Variants in SAP130 observed in about 807,000 individuals in gnomAD.
SAP130 encodes Sin3A associated protein 130.
A neutral mutation model predicts 103.2 loss-of-function variants in SAP130; 16 were observed. The ratio of observed to expected loss-of-function variants is 0.16; its 90% CI spans 0.10 to 0.24. The LOEUF is 0.24. Ranked by LOEUF, SAP130 falls within the 10% of genes least tolerant of loss-of-function variation. The pLI is 1.00. For synonymous variants in SAP130, 477 were observed against 497.0 expected (o/e 0.96, Z 0.53); for missense variants, 990 against 1,359.7 (o/e 0.73, Z 4.28).
At chr2:127,944,187 T>C (rs750311575) in intron 19 of SAP130, among the ~76,000 whole-genome samples, 1 of 151,908 alleles carries the variant, frequency 6.6e-6, no homozygotes, top group Non-Finnish European at 1.5e-5. Flanking sequence ...TGTGCACCAC[T>C]ACACCCGGCT....
chr2:128,001,817 T>G (rs1246340243), intron 7 of SAP130, among the ~76,000 whole-genome samples: 1 of 151,940 alleles, frequency 6.6e-6, no homozygotes, highest in East Asian at 1.9e-4. Flanking sequence ...CATCATTAAG[T>G]AATGAATGAG....
chr2:127,965,296 T>C (rs1206830026), intron 15 of SAP130, among the ~76,000 whole-genome samples: 1 of 151,460 alleles, frequency 6.6e-6, no homozygotes, highest in Admixed American at 6.6e-5. Flanking sequence ...ACTCCGTCTC[T>C]AAACAAAACA....
chr2:128,027,366 G>A (rs910762966), intron 1 of SAP130: 1 of 1,148,696 alleles, frequency 8.7e-7, no homozygotes. Flanking sequence ...GGAGGCCCAG[G>A]ACCAATCCAC....
chr2:127,985,335 T>C (rs554510055), intron 14 of SAP130, among the ~76,000 whole-genome samples: 11 of 152,356 alleles, frequency 7.2e-5, no homozygotes, highest in Non-Finnish European at 1.6e-4. Context: ...CTCTGGTATA[T>C]GCACAGCTCT....
chr2:127,945,710 T>G lies in SAP130; in HGVS notation c.2798-151A>C, dbSNP rs143371302. On this transcript the variant is annotated intron_variant, in intron 18 of 20. Coordinates refer to ENST00000643581, the MANE Select transcript of SAP130 (RefSeq NM_001330301.2). ...CTCTGTCACCCAGGCTGAAGTGCAG[T>G]GGTACAATCTCAGGTCACTGCAACC... 1.5e-3 allele frequency: 937 copies of G among 604,778 alleles called. 10 individuals carry two copies. Among genetic ancestry groups the G allele is most frequent in the African/African-American group, 0.015 (833 of 54,098 alleles). 37.5% of individuals were successfully genotyped at this position (604,778 alleles called of 1,614,324 possible).
intron 15 of SAP130, among the ~76,000 whole-genome samples, chr2:127,973,266 C>T (rs1294497679): frequency 6.6e-6 from 1 of 152,144 alleles, no homozygotes. Flanking sequence ...AACTTTCGCT[C>T]TTGTTGCCCA....
At chr2:127,962,045 A>C (rs1680295455) in intron 15 of SAP130, among the ~76,000 whole-genome samples, 1 of 152,202 alleles carries the variant, frequency 6.6e-6, no homozygotes, top group African/African-American at 2.4e-5. Flanking sequence ...ATAATAAATT[A>C]CCACACATAC....
chr2:127,941,972 T>C lies in SAP130; in HGVS notation c.*34A>G, dbSNP rs200749694. 1.3e-5 allele frequency: 10 copies of C among 747,398 alleles called. No individual in the cohort carries two copies. The Admixed American group carries it at 1.9e-4, about 14-fold the overall frequency. 46.3% of individuals were successfully genotyped at this position (747,398 alleles called of 1,614,324 possible). On this transcript the variant is annotated 3_prime_UTR_variant, in exon 21 of 21. Transcript: ENST00000643581. ...CCCCCACCCCCACCATCATTCTTCA[T>C]AAATTTGCTTCCAATCTCCTGATTG...
chr2:128,013,132 C>T lies in SAP130; in HGVS notation c.642G>A (p.Met214Ile). The T allele has an allele frequency of 6.2e-7, 1 of 1,608,524 alleles. No homozygotes were observed. The highest frequency in any genetic ancestry group is 1.1e-5 in the South Asian group (1 of 89,988). Residue 214 changes from methionine to isoleucine, a missense_variant, in exon 6 of 21, where the codon ATG becomes ATA. Transcript: ENST00000643581. ...LPRGAAAAAV[M>I]SSSKVTTVLR... is the part of the protein sequence containing the mutation. ...GGACTGTGGTTACTTTAGAACTGGACATCACAGCAGCAGCAGCTGCACCTG... is the reference window on the plus strand; with the variant it reads ...GGACTGTGGTTACTTTAGAACTGGATATCACAGCAGCAGCAGCTGCACCTG...
chr2:127,973,045 T>C (rs998756946), intron 15 of SAP130, among the ~76,000 whole-genome samples: 1 of 152,176 alleles, frequency 6.6e-6, no homozygotes, highest in Non-Finnish European at 1.5e-5. Context: ...ACAGTCACTT[T>C]TTCTGGTTTT....
At chr2:128,021,171 G>A (rs928590624) in intron 2 of SAP130, among the ~76,000 whole-genome samples, 15 of 152,080 alleles carry the variant, frequency 9.9e-5, no homozygotes, top group African/African-American at 3.4e-4. Context: ...TGATGTGGCC[G>A]GGCGTGGTGG....
At position 127,942,300 on chromosome 2, in the gene SAP130, C is replaced by T; in HGVS notation, c.3015+124G>A. On this transcript the variant is annotated intron_variant, in intron 20 of 20. Coordinates refer to ENST00000643581, the MANE Select transcript of SAP130 (RefSeq NM_001330301.2). This position sits in a 1 kb window ranked among gnomAD's most constrained non-coding sequence, Gnocchi z 4.8. ...AATGTCTTTTTGTTTCTCAGGAGTG[C>T]AGGCTGAAGCACGTATGTTTTTACT... is the stretch of plus-strand genomic sequence containing the variant. The T allele has an allele frequency of 2.8e-6, 3 of 1,070,654 alleles. No individual in the cohort carries two copies. The highest frequency in any genetic ancestry group is 4.2e-6 in the Non-Finnish European group (3 of 718,762). 66.3% of individuals were successfully genotyped at this position (1,070,654 alleles called of 1,614,324 possible). A position where few individuals can be genotyped will look rare whatever the true frequency, so the allele number is the denominator to read the frequency against.
Position 128,013,010 on chromosome 2 carries a change from C to CA in SAP130, c.744+19dup. 1 of 1,595,096 alleles carries CA rather than the reference C, an allele frequency of 6.3e-7. No homozygotes were observed. Among genetic ancestry groups the CA allele is most frequent in the Non-Finnish European group, 8.5e-7 (1 of 1,170,226 alleles). ...AATAACTCCAATGAGGCCCTTAATG[C>CA]ACCCCAGGCTCCGACGTGCCTGGAT... On this transcript the variant is annotated intron_variant, in intron 6 of 20. Coordinates refer to ENST00000643581, the MANE Select transcript of SAP130 (RefSeq NM_001330301.2).
chr2:128,018,483 C>CAAAAAAAAAAAAAAAAAAAA lies in SAP130; in HGVS notation c.113-588_113-569dup, dbSNP rs759445928. ...CTGGGCGAGAGAGGAAGATTGTCTC[C>CAAAAAAAAAAAAAAAAAAAA]AAAAAAAAAAAAAAAAAAAAAAAGG... On this transcript the variant is annotated intron_variant, in intron 2 of 20. Transcript: ENST00000643581. Among the ~76,000 whole-genome samples the CAAAAAAAAAAAAAAAAAAAA allele has an allele frequency of 3.0e-4, 21 of 69,470 alleles. 1 individual carries two copies. The highest frequency in any genetic ancestry group is 1.0e-3 in the African/African-American group (16 of 15,292). The allele number at this position is 69,470 out of a possible 152,430, so 45.6% of individuals were successfully genotyped here.
chr2:128,014,753 A>AT lies in SAP130; in HGVS notation c.619+49dup, dbSNP rs768394272. 3.0e-5 allele frequency: 39 copies of AT among 1,282,108 alleles called. 1 individual carries two copies. In the South Asian group the frequency reaches 4.3e-4, roughly 14 times the overall value. 79.4% of individuals were successfully genotyped at this position (1,282,108 alleles called of 1,614,324 possible). Reference sequence around the variant, plus strand: ...CTGTGTTACGTATTTTACCAAATGTATATCTACTACTACATTTTGAGAGTT... The same window carrying AT: ...CTGTGTTACGTATTTTACCAAATGTATTATCTACTACTACATTTTGAGAGTT... On this transcript the variant is annotated intron_variant, in intron 5 of 20. Coordinates refer to ENST00000643581, the MANE Select transcript of SAP130 (RefSeq NM_001330301.2).
At chr2:127,975,786 A>G (rs1681418583) in intron 15 of SAP130, among the ~76,000 whole-genome samples, 1 of 152,170 alleles carries the variant, frequency 6.6e-6, no homozygotes, top group Admixed American at 6.5e-5. Flanking sequence ...AAGTGAAGGC[A>G]AAGTGGTTTT....
At chr2:127,984,759 T>C (rs1388563526) in intron 14 of SAP130, among the ~76,000 whole-genome samples, 6 of 152,198 alleles carry the variant, frequency 3.9e-5, no homozygotes, top group African/African-American at 1.4e-4. Flanking sequence ...GGTAAAATAC[T>C]CATGACCTCT....
chr2:127,948,470 G>A (rs1236407599), intron 18 of SAP130, among the ~76,000 whole-genome samples: 1 of 151,270 alleles, frequency 6.6e-6, no homozygotes, highest in South Asian at 2.1e-4. Context: ...CTCCTGAGTA[G>A]CTGGGATTAC....
In SAP130 at chr2:127,947,764, C is replaced by CTGTGTGTG. The variant is rs1553500423; in HGVS notation, c.2797+2097_2797+2104dup. 9.8e-3 allele frequency among the ~76,000 whole-genome samples: 1,411 copies of CTGTGTGTG among 143,384 alleles called. 14 individuals carry two copies. The highest frequency in any genetic ancestry group is 0.029 in the Middle Eastern group (8 of 278). The allele number at this position is 143,384 out of a possible 152,430, so 94.1% of individuals were successfully genotyped here. A position where few individuals can be genotyped will look rare whatever the true frequency, so the allele number is the denominator to read the frequency against. On this transcript the variant is annotated intron_variant, in intron 18 of 20. Coordinates refer to ENST00000643581, the MANE Select transcript of SAP130 (RefSeq NM_001330301.2). ...TGAATTAATTTTGTATTGTGTGTGT[C>CTGTGTGTG]TGTGTGTGTGTGTGTGTGTGTGTGT...
Sources: gnomAD v4.1 joint callset for allele counts (sites outside exome capture counted in the v4.1 genomes callset) on GRCh38, gnomAD v4.1.1 for gene constraint, Gnocchi (gnomAD v3.1) non-coding constraint, MANE v1.5 for transcripts, NCBI Gene and HGNC (gene_info 2026-07-23, HGNC 2026-07-21) for gene names.